Variants in SH3GL2 observed in about 807,000 individuals in gnomAD.
SH3GL2 encodes the protein SH3 domain containing GRB2 like 2, endophilin A1.
SH3GL2 carries 24 observed loss-of-function variants against 46.0 expected under a neutral mutation model. That is an observed-to-expected ratio of 0.52 (90% CI 0.38 to 0.73). The LOEUF is 0.73. Ranked by LOEUF, SH3GL2 falls within the 30% of genes least tolerant of loss-of-function variation. The pLI, the probability that SH3GL2 is intolerant of heterozygous loss-of-function variation, is 0.00. For synonymous variants in SH3GL2, 196 were observed against 147.1 expected, an observed-to-expected ratio of 1.33 and a Z score of -2.40; for missense variants, 413 against 424.2, an observed-to-expected ratio of 0.97 and a Z score of 0.23.
chr9:17,724,663 C>T (rs1316208681), intron 1 of SH3GL2, among the ~76,000 whole-genome samples: 1 of 152,088 alleles, frequency 6.6e-6, no homozygotes, highest in Admixed American at 6.6e-5. Flanking sequence ...ACTATGGTAA[C>T]TCTGGATATT....
chr9:17,625,846 C>T (rs1249309248), intron 1 of SH3GL2, among the ~76,000 whole-genome samples: 1 of 152,178 alleles, frequency 6.6e-6, no homozygotes, highest in Non-Finnish European at 1.5e-5. Flanking sequence ...GAAAGGGAGG[C>T]TGAGGTCACT....
intron 1 of SH3GL2, among the ~76,000 whole-genome samples, chr9:17,703,411 A>G (rs1304255128): frequency 6.6e-6 from 1 of 151,954 alleles, no homozygotes; most frequent in Non-Finnish European, 1.5e-5. Flanking sequence ...TTCATTTCCA[A>G]AAGTTGAGGA....
In SH3GL2 at chr9:17,589,028, A is replaced by G. The variant is rs368659343; in HGVS notation, c.45+9741A>G. ...TATTACTGGTGCCTATAATTAATTA[A>G]TTGTGTGTCTGTATATTAATCTATT... On this transcript the variant is annotated intron_variant, in intron 1 of 8. Transcript: ENST00000380607. 2.6e-5 allele frequency: 4 copies of G among 152,300 alleles called. No individual in the cohort carries two copies. The East Asian group carries it at 5.8e-4, about 22-fold the overall frequency. The allele number at this position is 152,300 out of a possible 1,614,324, so 9.4% of individuals were successfully genotyped here.
chr9:17,599,628 A>G (rs1379935097), intron 1 of SH3GL2, among the ~76,000 whole-genome samples: 1 of 152,204 alleles, frequency 6.6e-6, no homozygotes, highest in Non-Finnish European at 1.5e-5. Flanking sequence ...TTATGAGGCA[A>G]ATGATGTGAT....
chr9:17,774,511 A>G (rs950117608), intron 3 of SH3GL2, among the ~76,000 whole-genome samples: 8 of 151,322 alleles, frequency 5.3e-5, no homozygotes, highest in Non-Finnish European at 1.2e-4. Flanking sequence ...GAACTTAGTC[A>G]ACACTTATTC....
intron 1 of SH3GL2, among the ~76,000 whole-genome samples, chr9:17,622,687 T>C (rs1819170939): frequency 6.6e-6 from 1 of 152,194 alleles, no homozygotes; most frequent in South Asian, 2.1e-4. Flanking sequence ...GTTTGTCTTA[T>C]TCTCTGAGAA....
chr9:17,685,419 A>C (rs10810828), intron 1 of SH3GL2, among the ~76,000 whole-genome samples: 50,477 of 151,860 alleles, frequency 0.33, 8,731 homozygotes, highest in East Asian at 0.53. Context: ...GATTTTAAGC[A>C]TATCTACAAA....
At chr9:17,623,764 T>C (rs1819213142) in intron 1 of SH3GL2, among the ~76,000 whole-genome samples, 1 of 151,618 alleles carries the variant, frequency 6.6e-6, no homozygotes, top group Non-Finnish European at 1.5e-5. Context: ...TTCTGAACCA[T>C]TTTGAGGATA....
chr9:17,729,786 T>C (rs1318014067), intron 1 of SH3GL2, among the ~76,000 whole-genome samples: 2 of 152,204 alleles, frequency 1.3e-5, no homozygotes, highest in Non-Finnish European at 2.9e-5. Context: ...TGTAGTGTTA[T>C]TTCTGAGGTC....
rs1283252788 is a variant in SH3GL2, at chr9:17,586,472, A to G, written c.45+7185A>G. Among the ~76,000 whole-genome samples, 4 of 152,198 alleles carry G rather than the reference A, an allele frequency of 2.6e-5. No individual in the cohort carries two copies. The East Asian group carries it at 7.7e-4, about 29-fold the overall frequency. ...AAGCAGTTTTATAATGCTGAGAAAC[A>G]TCTCAATATCAAGCTATGTATTAGT... On this transcript the variant is annotated intron_variant, in intron 1 of 8. Transcript: ENST00000380607.
intron 3 of SH3GL2, among the ~76,000 whole-genome samples, chr9:17,774,498 G>A (rs749032244): frequency 6.6e-6 from 1 of 151,074 alleles, no homozygotes; most frequent in Non-Finnish European, 1.5e-5. Flanking sequence ...ATGAAAAGGT[G>A]TTGAACTTAG....
At chr9:17,630,797 G>A (rs891102364) in intron 1 of SH3GL2, among the ~76,000 whole-genome samples, 4 of 152,148 alleles carry the variant, frequency 2.6e-5, no homozygotes, top group Non-Finnish European at 4.4e-5. Context: ...AGAAGAGGGT[G>A]GGGGAGTTGG....
intron 1 of SH3GL2, among the ~76,000 whole-genome samples, chr9:17,585,451 G>A (rs1291595899): frequency 6.6e-6 from 1 of 152,110 alleles, no homozygotes; most frequent in Non-Finnish European, 1.5e-5. Context: ...TTTAGGTAAT[G>A]TTCAGTGAGG....
intron 3 of SH3GL2, among the ~76,000 whole-genome samples, chr9:17,777,631 C>G (rs1823678802): frequency 6.7e-6 from 1 of 149,338 alleles, no homozygotes; most frequent in Non-Finnish European, 1.5e-5. Flanking sequence ...CTCTTCCTGG[C>G]TGGTAGTTAG....
chr9:17,734,550 C>T (rs1822271653), intron 1 of SH3GL2, among the ~76,000 whole-genome samples: 1 of 152,056 alleles, frequency 6.6e-6, no homozygotes, highest in Non-Finnish European at 1.5e-5. Context: ...AAGTAGCACA[C>T]AATGTCCATT....
intron 6 of SH3GL2, among the ~76,000 whole-genome samples, chr9:17,790,547 A>T (rs185321812): frequency 1.3e-5 from 2 of 152,254 alleles, no homozygotes; most frequent in African/African-American, 4.8e-5. Context: ...GGTGCTCCAA[A>T]TCACAGTGCT....
At position 17,759,058 on chromosome 9, in the gene SH3GL2, C is replaced by A. The variant is rs1457122616; in HGVS notation, c.115-2379C>A. Among the ~76,000 whole-genome samples the A allele has an allele frequency of 3.3e-5, 5 of 152,212 alleles. No individual in the cohort carries two copies. The East Asian group carries it at 7.7e-4, about 24-fold the overall frequency. ...TTACACTACATGAGTGGTTGGGCTC[C>A]CTACACAGAGCTTAAAAGGGAAGGG... On this transcript the variant is annotated intron_variant, in intron 2 of 8. Coordinates refer to ENST00000380607, the MANE Select transcript of SH3GL2 (RefSeq NM_003026.5).
chr9:17,669,371 G>A (rs10963195), intron 1 of SH3GL2, among the ~76,000 whole-genome samples: 41,447 of 152,066 alleles, frequency 0.27, 6,796 homozygotes, highest in East Asian at 0.52. Flanking sequence ...AAAACATAGA[G>A]CAGTTTCATC....
chr9:17,693,950 A>C (rs2118150848), intron 1 of SH3GL2, among the ~76,000 whole-genome samples: 1 of 152,304 alleles, frequency 6.6e-6, no homozygotes, highest in African/African-American at 2.4e-5. Context: ...GAAGCTTATT[A>C]ATGATCTGAA....
Sources: allele counts gnomAD v4.1 joint callset (sites outside exome capture counted in the v4.1 genomes callset), GRCh38; gene constraint gnomAD v4.1.1; transcripts MANE v1.5; gene names NCBI Gene and HGNC (gene_info 2026-07-23, HGNC 2026-07-21).